PCOLCE2: variants seen among roughly 807,000 people sequenced by gnomAD.
The protein encoded by PCOLCE2 is procollagen C-endopeptidase enhancer 2, also known as procollagen C-proteinase enhancer 2.
A neutral mutation model predicts 47.0 loss-of-function variants in PCOLCE2; 42 were observed. The observed-to-expected ratio is 0.89, with a 90% CI of 0.70 to 1.16. The LOEUF is 1.16. Among genes scored for constraint, PCOLCE2 ranks in the 50% most tolerant of loss-of-function variants. PCOLCE2 has a pLI of 0.00. For synonymous variants in PCOLCE2, 169 were observed against 191.7 expected (o/e 0.88, Z 0.98); for missense variants, 500 against 526.1 (o/e 0.95, Z 0.49).
At position 142,818,328 on chromosome 3, in the gene PCOLCE2, T is replaced by C. The variant is rs1178844319; in HGVS notation, c.*7A>G. 3 of 1,612,840 alleles carry C rather than the reference T, an allele frequency of 1.9e-6. No individual in the cohort carries two copies. The highest frequency in any genetic ancestry group is 2.5e-6 in the Non-Finnish European group (3 of 1,179,044). ...CAGAATACAGCTTAAATGGACACAG[T>C]TCACTGTTAACATTGCTTATTTTTT... On this transcript the variant is annotated 3_prime_UTR_variant, in exon 9 of 9. Transcript: ENST00000295992.
chr3:142,856,307 C>A (rs559448300), intron 2 of PCOLCE2, among the ~76,000 whole-genome samples: 15 of 152,278 alleles, frequency 9.9e-5, no homozygotes, highest in Non-Finnish European at 8.8e-5. Flanking sequence ...TGTAACTAGG[C>A]CCTCGAGCCC....
rs1933063174 is a variant in PCOLCE2 at position 142,856,535 on chromosome 3, G to A, written c.193-8063C>T. ...GCTGCGAACAGGCCCTTCGGCATTG[G>A]GAGGGTGTTCAGACTGAAGTCTGCC... is the stretch of plus-strand genomic sequence containing the variant. On this transcript the variant is annotated intron_variant, in intron 2 of 8. Coordinates refer to ENST00000295992, the MANE Select transcript of PCOLCE2 (RefSeq NM_013363.4). 1.3e-5 allele frequency among the ~76,000 whole-genome samples: 2 copies of A among 152,190 alleles called. 1 individual carries two copies. The highest frequency in any genetic ancestry group is 4.1e-4 in the South Asian group (2 of 4,834).
At chr3:142,848,819 C>T (rs970364305) in intron 2 of PCOLCE2, among the ~76,000 whole-genome samples, 5 of 152,136 alleles carry the variant, frequency 3.3e-5, no homozygotes, top group Non-Finnish European at 1.5e-5. Flanking sequence ...TTTGCATATT[C>T]TAATACCTAG....
chr3:142,879,375 T>C (rs1324887602), intron 2 of PCOLCE2, among the ~76,000 whole-genome samples: 1 of 152,168 alleles, frequency 6.6e-6, no homozygotes, highest in Non-Finnish European at 1.5e-5. Context: ...CAAATAAGTA[T>C]ATTTATAAAA....
At chr3:142,868,146 G>A (rs1933318357) in intron 2 of PCOLCE2, among the ~76,000 whole-genome samples, 2 of 152,104 alleles carry the variant, frequency 1.3e-5, no homozygotes, top group African/African-American at 2.4e-5. Flanking sequence ...GTCAGGTCAC[G>A]ACGTGCAGGG....
At chr3:142,845,904 G>A (rs1937323511) in intron 3 of PCOLCE2, among the ~76,000 whole-genome samples, 1 of 152,150 alleles carries the variant, frequency 6.6e-6, no homozygotes, top group Non-Finnish European at 1.5e-5. Context: ...GAACCTGGGA[G>A]GTGGAGGTTG....
At chr3:142,882,031 G>A (rs1379508952) in intron 2 of PCOLCE2, among the ~76,000 whole-genome samples, 4 of 151,710 alleles carry the variant, frequency 2.6e-5, no homozygotes, top group South Asian at 2.1e-4. Flanking sequence ...CATCATCGTC[G>A]TCATCATCAT....
At chr3:142,845,998 CT>C (rs1489879557) in intron 3 of PCOLCE2, among the ~76,000 whole-genome samples, 1 of 152,114 alleles carries the variant, frequency 6.6e-6, no homozygotes, top group Non-Finnish European at 1.5e-5. Flanking sequence ...ATGACACTGC[CT>C]TCTGGCTTCC....
chr3:142,842,904 A>C lies in PCOLCE2; in HGVS notation c.573+20T>G. 6.2e-7 allele frequency: 1 copy of C among 1,613,548 alleles called. No individual in the cohort carries two copies. Among genetic ancestry groups the C allele is most frequent in the Non-Finnish European group, 8.5e-7 (1 of 1,179,660 alleles). On this transcript the variant is annotated intron_variant, in intron 4 of 8. Transcript: ENST00000295992. The surrounding 1 kb of genome is among the most constrained non-coding windows in gnomAD (Gnocchi z 4.1). ...CAATTCACACATGCATGCTTTCTTC[A>C]CACTTCCAGGGAATCTCACCTGATT...
intron 7 of PCOLCE2, among the ~76,000 whole-genome samples, chr3:142,821,404 T>A (rs767963768): frequency 2.0e-5 from 3 of 152,196 alleles, no homozygotes; most frequent in Non-Finnish European, 2.9e-5. Flanking sequence ...CAAAAAGATC[T>A]TGTATCTTTA....
intron 2 of PCOLCE2, among the ~76,000 whole-genome samples, chr3:142,853,414 G>T (rs1932994725): frequency 6.6e-6 from 1 of 152,162 alleles, no homozygotes; most frequent in Admixed American, 6.5e-5. Context: ...CCCACTCACT[G>T]CATGTTATAA....
intron 2 of PCOLCE2, among the ~76,000 whole-genome samples, chr3:142,873,149 T>A (rs1248194527): frequency 6.6e-6 from 1 of 152,114 alleles, no homozygotes; most frequent in East Asian, 1.9e-4. Flanking sequence ...TCCAAGCACT[T>A]TGGGAGGCTG....
At chr3:142,867,886 A>G (rs1286427856) in intron 2 of PCOLCE2, among the ~76,000 whole-genome samples, 4 of 152,204 alleles carry the variant, frequency 2.6e-5, no homozygotes, top group Non-Finnish European at 5.9e-5. Flanking sequence ...TTTCCAAAGG[A>G]GCTAGGGCAG....
intron 4 of PCOLCE2, among the ~76,000 whole-genome samples, chr3:142,841,175 G>A (rs1317844066): frequency 6.6e-6 from 1 of 151,884 alleles, no homozygotes; most frequent in South Asian, 2.1e-4. Flanking sequence ...AACAAATGAT[G>A]GTAAGGTAAT....
At chr3:142,819,731 G>A (rs546859112) in intron 8 of PCOLCE2, among the ~76,000 whole-genome samples, 6 of 152,122 alleles carry the variant, frequency 3.9e-5, no homozygotes, top group East Asian at 3.9e-4. Flanking sequence ...CTGCAGACTC[G>A]ACCTCTTAGG....
In PCOLCE2 at chr3:142,820,908, C is replaced by T. The variant is rs762154075; in HGVS notation, c.1087G>A (p.Val363Ile). The change falls in exon 8 of 9, where the codon GTC becomes ATC. Residue 363 changes from valine (V) to isoleucine (I), a missense_variant. Physicochemically the swap from Val to Ile is conservative, Grantham distance 29 (BLOSUM62 3). Coordinates refer to ENST00000295992, the MANE Select transcript of PCOLCE2 (RefSeq NM_013363.4). ...GKNMSARLTV[V>I]CKQCPLLRRG... ...CTGAGGAGAGGGCACTGCTTGCAGA[C>T]GACAGTCAGCCTGGCACTCATGTTC... is the stretch of plus-strand genomic sequence containing the variant. The T allele has an allele frequency of 2.2e-5, 36 of 1,613,738 alleles. No homozygotes were observed. Among genetic ancestry groups the T allele is most frequent in the South Asian group, 1.1e-4 (10 of 91,046 alleles).
intron 2 of PCOLCE2, among the ~76,000 whole-genome samples, chr3:142,881,028 T>G (rs1933601855): frequency 6.6e-6 from 1 of 152,256 alleles, no homozygotes. Flanking sequence ...TATAATAATT[T>G]ACACACATAA....
chr3:142,828,342 C>T (rs1272605828), intron 6 of PCOLCE2, among the ~76,000 whole-genome samples: 4 of 152,310 alleles, frequency 2.6e-5, no homozygotes, highest in African/African-American at 4.8e-5. Flanking sequence ...TCACTAGTCA[C>T]ATGAAGCTTT....
At chr3:142,839,848 T>G (rs983118924) in intron 4 of PCOLCE2, among the ~76,000 whole-genome samples, 4 of 152,110 alleles carry the variant, frequency 2.6e-5, no homozygotes, top group African/African-American at 9.7e-5. Flanking sequence ...AAAAACAAGA[T>G]TGTAATTGGA....
Sources: gnomAD v4.1 joint callset for allele counts (sites outside exome capture counted in the v4.1 genomes callset) on GRCh38, gnomAD v4.1.1 for gene constraint, Gnocchi (gnomAD v3.1) non-coding constraint, MANE v1.5 for transcripts, NCBI Gene and HGNC (gene_info 2026-07-23, HGNC 2026-07-21) for gene names.